Variants in HDGF observed in about 807,000 individuals in gnomAD.
HDGF encodes heparin binding growth factor.
In HDGF, 5 loss-of-function variants were observed where a neutral mutation model predicts 30.0. The ratio of observed to expected loss-of-function variants is 0.17; its 90% CI spans 0.09 to 0.35. The LOEUF (loss-of-function observed/expected upper bound fraction) is 0.35. Ranked by LOEUF, HDGF falls within the 10% of genes least tolerant of loss-of-function variation. The pLI is 1.00. For missense variants in HDGF, 214 were observed against 302.8 expected (o/e 0.71, Z 2.18); for synonymous variants, 133 against 112.7 (o/e 1.18, Z -1.14).
chr1:156,753,199 T>C (rs1651075102), upstream of HDGF, among the ~76,000 whole-genome samples: 1 of 152,214 alleles, frequency 6.6e-6, no homozygotes, highest in South Asian at 2.1e-4. Context: ...TTTATAACAG[T>C]GTGGCCTCTC....
In HDGF at chr1:156,761,949, A is replaced by AT. The variant is rs1395934903; in HGVS notation, n.137-2731_137-2730insA. ...CAACAGTCTCCATCTCAAAAAAAAA[A>AT]AAATTAATTAATTAAAAAAAAAACA... On this transcript the variant is annotated intron_variant and non_coding_transcript_variant, in intron 1 of 7. Transcript: ENST00000465180. 5.2e-4 allele frequency among the ~76,000 whole-genome samples: 73 copies of AT among 139,662 alleles called. 1 individual carries two copies. Among genetic ancestry groups the AT allele is most frequent in the South Asian group, 4.2e-3 (18 of 4,300 alleles). 91.6% of individuals were successfully genotyped at this position (139,662 alleles called of 152,430 possible).
At position 156,751,638 on chromosome 1, in the gene HDGF, G is replaced by A. The variant is rs1412929508; in HGVS notation, c.-209C>T. The A allele has an allele frequency of 1.0e-6, 1 of 997,448 alleles. No individual in the cohort carries two copies. The highest frequency in any genetic ancestry group is 1.2e-6 in the Non-Finnish European group (1 of 838,690). The allele number at this position is 997,448 out of a possible 1,614,324, so 61.8% of individuals were successfully genotyped here. The stretch of plus-strand genomic sequence containing the variant: ...GGGCGCGGATCGGGGCAAGGCTCCG[G>A]CGCGGTGGGTGCGCGCTCGTGCAGT... On this transcript the variant is annotated 5_prime_UTR_variant, in exon 1 of 6. Coordinates refer to ENST00000357325, the MANE Select transcript of HDGF (RefSeq NM_004494.3). The surrounding 1 kb of genome is among the most constrained non-coding windows in gnomAD (Gnocchi z 4.7).
chr1:156,742,843 T>C lies in HDGF; in HGVS notation c.*606A>G, dbSNP rs1650223920. The C allele has an allele frequency of 6.5e-6, 1 of 154,626 alleles. No individual in the cohort carries two copies. Among genetic ancestry groups the C allele is most frequent in the South Asian group, 2.0e-4 (1 of 4,916 alleles). The allele number at this position is 154,626 out of a possible 1,614,324, so 9.6% of individuals were successfully genotyped here. A position where few individuals can be genotyped will look rare whatever the true frequency, so the allele number is the denominator to read the frequency against. ...CTCTTGGGGTCGGCAAAAGGAAAAA[T>C]GGGTGTTGTCAATCATCAAGGATTT... On this transcript the variant is annotated 3_prime_UTR_variant, in exon 6 of 6. Transcript: ENST00000357325.
chr1:156,744,047 A>G lies in HDGF; in HGVS notation c.489+116T>C, dbSNP rs892362167. The G allele has an allele frequency of 5.1e-6, 6 of 1,176,126 alleles. No homozygotes were observed. In the African/African-American group the frequency reaches 6.0e-5, roughly 12 times the overall value. 72.9% of individuals were successfully genotyped at this position (1,176,126 alleles called of 1,614,324 possible). ...TCTGGTCAGCTGGGGACTCCCCAAGACTAGGGGCTGGATCGACCTCTCAGA... is the reference window on the plus strand; with the variant it reads ...TCTGGTCAGCTGGGGACTCCCCAAGGCTAGGGGCTGGATCGACCTCTCAGA... On this transcript the variant is annotated intron_variant, in intron 4 of 5. Coordinates refer to ENST00000357325, the MANE Select transcript of HDGF (RefSeq NM_004494.3).
chr1:156,743,978 A>G lies in HDGF; in HGVS notation c.490-100T>C, dbSNP rs535913707. On this transcript the variant is annotated intron_variant, in intron 4 of 5. Transcript: ENST00000357325. The stretch of plus-strand genomic sequence containing the variant: ...GGCTCCTTCCCAGGCTGACACCCAC[A>G]GTCCTTCCCCAACCCTACTAGCTGA... The G allele has an allele frequency of 3.8e-5, 41 of 1,086,060 alleles. No individual in the cohort carries two copies. The South Asian group carries it at 4.8e-4, about 13-fold the overall frequency. 67.3% of individuals were successfully genotyped at this position (1,086,060 alleles called of 1,614,324 possible).
chr1:156,752,938 G>C (rs1246567167), upstream of HDGF, among the ~76,000 whole-genome samples: 1 of 152,170 alleles, frequency 6.6e-6, no homozygotes, highest in Non-Finnish European at 1.5e-5. Flanking sequence ...AGGAAGTCCA[G>C]GATGTAGCCA....
upstream of HDGF, among the ~76,000 whole-genome samples, chr1:156,754,987 A>G (rs1157415543): frequency 1.3e-5 from 2 of 152,172 alleles, no homozygotes; most frequent in African/African-American, 4.8e-5. Flanking sequence ...CTAATTCAGG[A>G]GGTTCGGAGT....
intron 1 of HDGF, among the ~76,000 whole-genome samples, chr1:156,759,613 C>G (rs894634224): frequency 2.6e-5 from 4 of 151,774 alleles, no homozygotes; most frequent in Non-Finnish European, 5.9e-5. Context: ...TCCTGAGTAG[C>G]TGGAATTACA....
At chr1:156,748,534 A>C (rs530738447) in intron 1 of HDGF, among the ~76,000 whole-genome samples, 2 of 152,336 alleles carry the variant, frequency 1.3e-5, no homozygotes, top group South Asian at 4.1e-4. Context: ...AGATCCAGGC[A>C]AGTTACTTAT....
At chr1:156,753,437 C>CT (rs1275298672), upstream of HDGF, among the ~76,000 whole-genome samples, 1 of 152,226 alleles carries the variant, frequency 6.6e-6, no homozygotes, top group African/African-American at 2.4e-5. Context: ...AGTCCAGATT[C>CT]TATCAGGCTA....
chr1:156,744,551 CTG>C, intron 3 of HDGF: 1 of 1,541,106 alleles, frequency 6.5e-7, no homozygotes, highest in Non-Finnish European at 8.7e-7. Flanking sequence ...AGGCAGGGCT[CTG>C]TGCAGGAGGG....
upstream of HDGF, chr1:156,752,209 C>G: frequency 2.6e-6 from 4 of 1,551,816 alleles, no homozygotes; most frequent in Non-Finnish European, 3.5e-6. Flanking sequence ...GGGGTCCTCT[C>G]TGGACCTCGC....
In HDGF at chr1:156,745,247, G is replaced by A. The variant is rs897212781; in HGVS notation, c.164+50C>T. ...CCAACACCACCTCACCTTCCCCAGA[G>A]TAGTCCTCCCGGGGCCCTCCCGACC... On this transcript the variant is annotated intron_variant, in intron 2 of 5. Coordinates refer to ENST00000357325, the MANE Select transcript of HDGF (RefSeq NM_004494.3). 5 of 1,608,784 alleles carry A rather than the reference G, an allele frequency of 3.1e-6. No homozygotes were observed. In the African/African-American group the frequency reaches 6.7e-5, roughly 22 times the overall value.
chr1:156,767,225 C>T (rs376574077), upstream of HDGF, among the ~76,000 whole-genome samples: 3 of 152,114 alleles, frequency 2.0e-5, no homozygotes, highest in East Asian at 3.8e-4. Flanking sequence ...AAGGGGCTAC[C>T]CTAGGGAACT....
At chr1:156,743,957 CCT>C in intron 4 of HDGF, 79 bp from the exon 5 acceptor site, 1 of 1,174,928 alleles carries the variant, frequency 8.5e-7, no homozygotes, top group Non-Finnish European at 1.3e-6. Context: ...CTCCGGGGCT[CCT>C]TCCCAGGCTG....
chr1:156,756,342 G>A (rs1651154369), upstream of HDGF, among the ~76,000 whole-genome samples: 1 of 152,206 alleles, frequency 6.6e-6, no homozygotes, highest in African/African-American at 2.4e-5. Flanking sequence ...TGTATTTATT[G>A]TTATATTAGA....
chr1:156,756,988 T>C (rs1651163807), upstream of HDGF, among the ~76,000 whole-genome samples: 1 of 151,944 alleles, frequency 6.6e-6, no homozygotes, highest in African/African-American at 2.4e-5. Flanking sequence ...AGACAGAGTT[T>C]TGCCATGTTG....
chr1:156,742,219 C>T lies in HDGF; in HGVS notation c.*1230G>A, dbSNP rs1650169891. On this transcript the variant is annotated 3_prime_UTR_variant, in exon 6 of 6. Coordinates refer to ENST00000357325, the MANE Select transcript of HDGF (RefSeq NM_004494.3). The stretch of plus-strand genomic sequence containing the variant: ...TTCATCAGAGCCCAAGGGAGAGGGG[C>T]CAGGGTAAAAGAGACGAGACTGTAG... The T allele has an allele frequency of 6.6e-6, 1 of 152,552 alleles. No homozygotes were observed. The highest frequency in any genetic ancestry group is 1.5e-5 in the Non-Finnish European group (1 of 68,048). The allele number at this position is 152,552 out of a possible 1,614,324, so 9.4% of individuals were successfully genotyped here.
chr1:156,743,767 G>A lies in HDGF; in HGVS notation c.601C>T (p.Pro201Ser), dbSNP rs1299657068. 1.2e-6 allele frequency: 2 copies of A among 1,600,264 alleles called. No individual in the cohort carries two copies. The highest frequency in any genetic ancestry group is 2.7e-5 in the African/African-American group (2 of 74,290). Residue 201 changes from proline (P) to serine (S), a missense_variant, in exon 5 of 6, where the codon CCC becomes TCC. Transcript: ENST00000357325. ...LPMEVEKNST[P>S]SEPGSGRGPP... is the part of the protein sequence containing the mutation. ...CCCCGGCCAGAGCCGGGCTCAGAGG[G>A]GGTGCTATTCTTTTCCACCTCCATA...
Sources: allele counts gnomAD v4.1 joint callset (sites outside exome capture counted in the v4.1 genomes callset), GRCh38; gene constraint gnomAD v4.1.1; non-coding constraint Gnocchi (gnomAD v3.1); transcripts MANE v1.5; gene names NCBI Gene and HGNC (gene_info 2026-07-23, HGNC 2026-07-21).